Variants in SYN3 observed in about 807,000 individuals in gnomAD.
SYN3 encodes synapsin III, also known as synapsin-3.
A neutral mutation model predicts 65.8 loss-of-function variants in SYN3; 35 were observed. The observed-to-expected ratio is 0.53, with a 90% CI of 0.41 to 0.70. The LOEUF (loss-of-function observed/expected upper bound fraction) is 0.70. Ranked by LOEUF, SYN3 falls within the 30% of genes least tolerant of loss-of-function variation. The probability of loss-of-function intolerance (pLI) is 0.00; values close to 1 mark genes in which losing one functional copy is unlikely to be tolerated. For missense variants in SYN3, 680 were observed against 749.0 expected (o/e 0.91, Z 1.08); for synonymous variants, 270 against 292.9 (o/e 0.92, Z 0.80).
At chr22:32,863,362 CCTT>C (rs2048600611) in intron 6 of SYN3, among the ~76,000 whole-genome samples, 1 of 152,230 alleles carries the variant, frequency 6.6e-6, no homozygotes, top group Non-Finnish European at 1.5e-5. Flanking sequence ...ACTCAGCCCT[CCTT>C]GTTTTCTTCC....
At chr22:33,035,344 C>G (rs1345933868) in intron 1 of SYN3, among the ~76,000 whole-genome samples, 7 of 107,752 alleles carry the variant, frequency 6.5e-5, no homozygotes, top group African/African-American at 1.1e-4. Flanking sequence ...CCCCCCCCCC[C>G]GCCACCAAAC....
At chr22:32,807,818 C>T (rs2046805983) in intron 6 of SYN3, among the ~76,000 whole-genome samples, 1 of 151,974 alleles carries the variant, frequency 6.6e-6, no homozygotes, top group South Asian at 2.1e-4. Context: ...TTAATAGTTC[C>T]TGCCAATTTG....
At chr22:32,590,586 A>G (rs2059114666) in intron 7 of SYN3, among the ~76,000 whole-genome samples, 1 of 152,224 alleles carries the variant, frequency 6.6e-6, no homozygotes, top group Admixed American at 6.5e-5. Flanking sequence ...ATATCAAGCT[A>G]TATTCCGAAG....
rs2146037885 is a variant in SYN3 at position 32,512,668 on chromosome 22, G to T, written c.*1024C>A. On this transcript the variant is annotated 3_prime_UTR_variant, in exon 14 of 14. Transcript: ENST00000358763. The stretch of plus-strand genomic sequence containing the variant: ...CAAACAGCGGTTCCTAAACATATTT[G>T]GCCATGGGGCCCTTTTGAAATTGAG... 1 of 152,308 alleles carries T rather than the reference G, an allele frequency of 6.6e-6. No homozygotes were observed. The highest frequency in any genetic ancestry group is 1.5e-5 in the Non-Finnish European group (1 of 68,022). The allele number at this position is 152,308 out of a possible 1,614,324, so 9.4% of individuals were successfully genotyped here. A position where few individuals can be genotyped will look rare whatever the true frequency, so the allele number is the denominator to read the frequency against.
chr22:32,895,299 C>T (rs1298963518), intron 4 of SYN3, among the ~76,000 whole-genome samples: 1 of 152,220 alleles, frequency 6.6e-6, no homozygotes, highest in Non-Finnish European at 1.5e-5. Flanking sequence ...ATTGGCTCTC[C>T]TGGGTCACCA....
At chr22:32,573,072 G>T (rs184438204) in intron 7 of SYN3, among the ~76,000 whole-genome samples, 1 of 152,236 alleles carries the variant, frequency 6.6e-6, no homozygotes, top group Non-Finnish European at 1.5e-5. Context: ...ATCATTTGTG[G>T]TGGAAATATT....
rs930075224 is a variant in SYN3 at position 32,508,466 on chromosome 22, G to A, written c.*5226C>T. Among the ~76,000 whole-genome samples, 1 of 152,118 alleles carries A rather than the reference G, an allele frequency of 6.6e-6. No homozygotes were observed. The highest frequency in any genetic ancestry group is 2.4e-5 in the African/African-American group (1 of 41,428). ...TAAACAGCCATGTTGCTCACACAAA[G>A]CCTGTTTAGTGGTCTCTTCACACAG... is the stretch of plus-strand genomic sequence containing the variant. On this transcript the variant is annotated 3_prime_UTR_variant, in exon 14 of 14. Coordinates refer to ENST00000358763, the MANE Select transcript of SYN3 (RefSeq NM_003490.4).
intron 6 of SYN3, among the ~76,000 whole-genome samples, chr22:32,617,380 G>A (rs536108929): frequency 6.6e-6 from 1 of 152,116 alleles, no homozygotes; most frequent in African/African-American, 2.4e-5. Context: ...GATTGGGCAC[G>A]TCCTGGAACT....
chr22:32,911,916 T>C (rs901049127), intron 4 of SYN3, among the ~76,000 whole-genome samples: 4 of 152,180 alleles, frequency 2.6e-5, no homozygotes, highest in African/African-American at 9.6e-5. Flanking sequence ...TGTCAGAACA[T>C]GGACTTTAAA....
intron 6 of SYN3, among the ~76,000 whole-genome samples, chr22:32,752,763 G>T (rs1033476214): frequency 3.3e-5 from 5 of 152,192 alleles, no homozygotes; most frequent in Non-Finnish European, 7.3e-5. Flanking sequence ...TGATCGACAG[G>T]AGATCAGAGA....
chr22:32,577,394 A>G (rs910906161), intron 7 of SYN3, among the ~76,000 whole-genome samples: 1 of 152,174 alleles, frequency 6.6e-6, no homozygotes, highest in African/African-American at 2.4e-5. Context: ...TGACAATGTA[A>G]TCATTTGCTT....
intron 5 of SYN3, among the ~76,000 whole-genome samples, chr22:32,866,888 G>T (rs1387524231): frequency 6.6e-6 from 1 of 152,170 alleles, no homozygotes; most frequent in Non-Finnish European, 1.5e-5. Flanking sequence ...CTTGTTCCAG[G>T]TATCTAAGGC....
At chr22:33,032,164 T>C (rs1378514644) in intron 1 of SYN3, among the ~76,000 whole-genome samples, 1 of 151,580 alleles carries the variant, frequency 6.6e-6, no homozygotes, top group Non-Finnish European at 1.5e-5. Context: ...GACCTGAGTC[T>C]GTGCCACTGT....
intron 1 of SYN3, among the ~76,000 whole-genome samples, chr22:33,016,817 T>A (rs1459645100): frequency 6.6e-6 from 1 of 152,246 alleles, no homozygotes; most frequent in Non-Finnish European, 1.5e-5. Context: ...CCTTATCAGA[T>A]GTATGGTTTG....
intron 6 of SYN3, among the ~76,000 whole-genome samples, chr22:32,623,981 A>ACACC (rs2059630592): frequency 6.6e-6 from 1 of 152,132 alleles, no homozygotes; most frequent in Admixed American, 6.5e-5. Context: ...GAGTCCAAGG[A>ACACC]CACCGCTGCC....
At chr22:32,585,943 TGTATACATATATGTGTATATAC>T (rs2059021280) in intron 7 of SYN3, among the ~76,000 whole-genome samples, 2 of 37,784 alleles carry the variant, frequency 5.3e-5, no homozygotes, top group Non-Finnish European at 1.3e-4. Flanking sequence ...TATATGTGTA[TGTATACATATATGTGTATATAC>T]GTATATATGT....
chr22:32,851,994 G>A (rs2048231780), intron 6 of SYN3, among the ~76,000 whole-genome samples: 1 of 152,178 alleles, frequency 6.6e-6, no homozygotes, highest in Admixed American at 6.5e-5. Context: ...ACTATGAACT[G>A]GGGATACAAA....
At chr22:32,618,044 C>T (rs531764884) in intron 6 of SYN3, among the ~76,000 whole-genome samples, 46 of 152,246 alleles carry the variant, frequency 3.0e-4, no homozygotes, top group East Asian at 1.9e-4. Flanking sequence ...AGCCACATCA[C>T]GCCTATCTCA....
At chr22:32,613,607 A>C (rs1244912317) in intron 6 of SYN3, among the ~76,000 whole-genome samples, 1 of 152,244 alleles carries the variant, frequency 6.6e-6, no homozygotes, top group Non-Finnish European at 1.5e-5. Context: ...TGGTTGCCCA[A>C]CATGGAGTAG....
Sources: gnomAD v4.1 joint callset for allele counts (sites outside exome capture counted in the v4.1 genomes callset) on GRCh38, gnomAD v4.1.1 for gene constraint, MANE v1.5 for transcripts, NCBI Gene and HGNC (gene_info 2026-07-23, HGNC 2026-07-21) for gene names.